The following PTPRM variants were observed in gnomAD, a reference collection of about 807,000 sequenced individuals.
PTPRM encodes the protein protein tyrosine phosphatase receptor type M.
A neutral mutation model predicts 186.7 loss-of-function variants in PTPRM; 47 were observed. The observed-to-expected ratio is 0.25, with a 90% CI of 0.20 to 0.32. PTPRM has a LOEUF of 0.32. Ranked by LOEUF, PTPRM falls within the 10% of genes least tolerant of loss-of-function variation. PTPRM has a pLI of 1.00. For missense variants in PTPRM, 1,494 were observed against 1,865.0 expected, an observed-to-expected ratio of 0.80 and a Z score of 3.66; for synonymous variants, 668 against 674.9, an observed-to-expected ratio of 0.99 and a Z score of 0.16.
At chr18:8,011,518 CT>C (rs1230544216) in intron 7 of PTPRM, among the ~76,000 whole-genome samples, 1 of 152,170 alleles carries the variant, frequency 6.6e-6, no homozygotes, top group Non-Finnish European at 1.5e-5. Flanking sequence ...ATTTTTACTT[CT>C]GATACTTATT....
At chr18:8,154,531 C>G (rs1191682978) in intron 14 of PTPRM, 1 of 152,212 alleles carries the variant, frequency 6.6e-6, no homozygotes, top group Non-Finnish European at 1.5e-5. Context: ...AGCTCGCCTG[C>G]TAGCTTGGGA....
chr18:7,857,811 A>G (rs369885210), intron 2 of PTPRM, among the ~76,000 whole-genome samples: 1 of 152,206 alleles, frequency 6.6e-6, no homozygotes, highest in Admixed American at 6.5e-5. Context: ...GAATACAGAA[A>G]TTTGAGGTGT....
chr18:7,777,469 G>A (rs2042643720), intron 2 of PTPRM, among the ~76,000 whole-genome samples: 1 of 152,204 alleles, frequency 6.6e-6, no homozygotes, highest in African/African-American at 2.4e-5. Context: ...TACAGTGAGA[G>A]TTTAGTAGTG....
At chr18:8,189,881 AGTCT>A (rs753908731) in intron 14 of PTPRM, among the ~76,000 whole-genome samples, 2 of 152,246 alleles carry the variant, frequency 1.3e-5, no homozygotes, top group African/African-American at 2.4e-5. Flanking sequence ...GAAATACATC[AGTCT>A]TTCTCTGCAG....
chr18:8,300,079 C>T (rs777271619), intron 20 of PTPRM, among the ~76,000 whole-genome samples: 6 of 152,118 alleles, frequency 3.9e-5, no homozygotes, highest in Admixed American at 2.0e-4. Context: ...AATCTACCTC[C>T]TACCACCATG....
At chr18:8,107,953 T>C (rs926594198) in intron 11 of PTPRM, among the ~76,000 whole-genome samples, 7 of 152,202 alleles carry the variant, frequency 4.6e-5, no homozygotes, top group Non-Finnish European at 7.3e-5. Flanking sequence ...ACATATTTTT[T>C]AAAACTGAGT....
intron 1 of PTPRM, among the ~76,000 whole-genome samples, chr18:7,598,387 A>G (rs985494722): frequency 2.6e-5 from 4 of 152,228 alleles, no homozygotes; most frequent in Non-Finnish European, 5.9e-5. Flanking sequence ...AGCAAAGCAT[A>G]ATTCTGAGGT....
intron 14 of PTPRM, among the ~76,000 whole-genome samples, chr18:8,235,456 C>CTTTTTTTTTTT (rs58166609): frequency 3.9e-4 from 40 of 102,316 alleles, no homozygotes; most frequent in East Asian, 1.0e-3. Context: ...TCTGTGTCTT[C>CTTTTTTTTTTT]TTTTTTTTTT....
chr18:8,098,541 A>G (rs1388936730), intron 11 of PTPRM, among the ~76,000 whole-genome samples: 3 of 152,210 alleles, frequency 2.0e-5, no homozygotes, highest in Non-Finnish European at 4.4e-5. Flanking sequence ...TAAAAGTTAA[A>G]TATCATGAAC....
intron 7 of PTPRM, among the ~76,000 whole-genome samples, chr18:7,998,507 A>G (rs79274656): frequency 0.015 from 2,253 of 152,320 alleles, 59 homozygotes; most frequent in African/African-American, 0.052. Flanking sequence ...TTAAAACATG[A>G]CACTATTAAA....
At chr18:8,081,638 C>T (rs571599235) in intron 9 of PTPRM, among the ~76,000 whole-genome samples, 10 of 152,274 alleles carry the variant, frequency 6.6e-5, no homozygotes, top group Admixed American at 6.5e-4. Context: ...TGAATGTCTA[C>T]CATCAGCTCT....
intron 20 of PTPRM, among the ~76,000 whole-genome samples, chr18:8,309,915 A>G (rs1214448808): frequency 1.3e-5 from 2 of 152,144 alleles, no homozygotes; most frequent in Non-Finnish European, 2.9e-5. Context: ...AAATCAAAGG[A>G]CTATTGACAT....
At chr18:8,207,324 A>G (rs1195722507) in intron 14 of PTPRM, among the ~76,000 whole-genome samples, 1 of 152,186 alleles carries the variant, frequency 6.6e-6, no homozygotes, top group East Asian at 1.9e-4. Context: ...CTCAAACATG[A>G]GTCTCAGGTA....
At chr18:8,209,499 T>C (rs1402410630) in intron 14 of PTPRM, among the ~76,000 whole-genome samples, 1 of 151,916 alleles carries the variant, frequency 6.6e-6, no homozygotes, top group Non-Finnish European at 1.5e-5. Flanking sequence ...GGGTGGGAGA[T>C]GAGGAGAAAT....
chr18:7,841,586 G>A (rs1046898055), intron 2 of PTPRM, among the ~76,000 whole-genome samples: 17 of 152,024 alleles, frequency 1.1e-4, no homozygotes, highest in Admixed American at 1.1e-3. Flanking sequence ...GAGCCACCAC[G>A]CCTGGCCCAA....
chr18:7,702,641 G>A (rs988253024), intron 1 of PTPRM, among the ~76,000 whole-genome samples: 10 of 152,166 alleles, frequency 6.6e-5, no homozygotes, highest in African/African-American at 2.4e-4. Context: ...CATTCTGGAG[G>A]TTGCCTGTTC....
chr18:8,346,595 T>C (rs772590460), intron 23 of PTPRM, among the ~76,000 whole-genome samples: 39 of 152,142 alleles, frequency 2.6e-4, no homozygotes, highest in Non-Finnish European at 4.9e-4. Flanking sequence ...ATTCAGTCCA[T>C]AACAGCCTGC....
At chr18:7,711,861 T>C (rs2040221095) in intron 1 of PTPRM, among the ~76,000 whole-genome samples, 1 of 152,050 alleles carries the variant, frequency 6.6e-6, no homozygotes, top group Non-Finnish European at 1.5e-5. Flanking sequence ...AACCCCCATC[T>C]CCCTGGGACT....
chr18:8,006,761 C>A (rs960654994), intron 7 of PTPRM, among the ~76,000 whole-genome samples: 1 of 152,168 alleles, frequency 6.6e-6, no homozygotes, highest in Non-Finnish European at 1.5e-5. Context: ...CCTGGTGTCA[C>A]CCAGAACACT....
Sources: allele counts gnomAD v4.1 joint callset (sites outside exome capture counted in the v4.1 genomes callset), GRCh38; gene constraint gnomAD v4.1.1; transcripts MANE v1.5; gene names NCBI Gene and HGNC (gene_info 2026-07-23, HGNC 2026-07-21).